RAB20: variants seen among roughly 807,000 people sequenced by gnomAD.
RAB20 encodes the protein ras-related protein Rab-20.
Under a neutral mutation model 3.7 loss-of-function variants are expected in RAB20, and 2 were observed. The ratio of observed to expected loss-of-function variants is 0.54; its 90% CI spans 0.22 to 1.69. The LOEUF (loss-of-function observed/expected upper bound fraction) is 1.69. Ranked by LOEUF, RAB20 falls within the 40% of genes most tolerant of loss-of-function variation. RAB20 has a pLI of 0.19. For synonymous variants in RAB20, 126 were observed against 130.8 expected, an observed-to-expected ratio of 0.96 and a Z score of 0.25; for missense variants, 276 against 311.9, an observed-to-expected ratio of 0.88 and a Z score of 0.87.
chr13:110,544,709 G>A (rs1884821693), intron 1 of RAB20, among the ~76,000 whole-genome samples: 1 of 152,230 alleles, frequency 6.6e-6, no homozygotes, highest in South Asian at 2.1e-4. Flanking sequence ...AAGACACATG[G>A]AGAACCAGAG....
At position 110,536,574 on chromosome 13, in the gene RAB20, C is replaced by A. The variant is rs75347166; in HGVS notation, c.173-12377G>T. On this transcript the variant is annotated intron_variant, in intron 1 of 1. Transcript: ENST00000267328. ...TAAAGGAGAAGTCAGTGAGGATGGGCCGGAGAACACTGAACTCAGACAACC... is the reference window on the plus strand; with the variant it reads ...TAAAGGAGAAGTCAGTGAGGATGGGACGGAGAACACTGAACTCAGACAACC... Among the ~76,000 whole-genome samples the A allele has an allele frequency of 4.5e-3, 680 of 152,150 alleles. 5 individuals carry two copies. The highest frequency in any genetic ancestry group is 0.015 in the African/African-American group (643 of 41,498).
chr13:110,525,787 G>A (rs1176448447), intron 1 of RAB20, among the ~76,000 whole-genome samples: 2 of 152,206 alleles, frequency 1.3e-5, no homozygotes, highest in Non-Finnish European at 1.5e-5. Context: ...CTGGGGGGAC[G>A]AGCTCTCAGG....
chr13:110,529,242 T>C (rs1015026454), intron 1 of RAB20, among the ~76,000 whole-genome samples: 4 of 152,358 alleles, frequency 2.6e-5, no homozygotes, highest in African/African-American at 9.6e-5. Flanking sequence ...CCTCACGCGT[T>C]TTCTGGAAGT....
chr13:110,536,740 T>TGGGGGGG (rs1884648025), intron 1 of RAB20, among the ~76,000 whole-genome samples: 1 of 69,116 alleles, frequency 1.4e-5, no homozygotes, highest in Non-Finnish European at 3.0e-5. Flanking sequence ...GGGGGGGGGT[T>TGGGGGGG]GTTTTTATGT....
In RAB20 at chr13:110,537,033, G is replaced by A. The variant is rs548328199; in HGVS notation, c.173-12836C>T. ...GTCTCGCTCTGTCACCCAGGCTGGA[G>A]TGCAGTGGTGCAATCGTAGCTCATT... On this transcript the variant is annotated intron_variant, in intron 1 of 1. Transcript: ENST00000267328. Among the ~76,000 whole-genome samples the A allele has an allele frequency of 4.4e-3, 663 of 149,866 alleles. 3 individuals carry two copies. The highest frequency in any genetic ancestry group is 0.018 in the Middle Eastern group (5 of 284).
rs60476574 is a variant in RAB20, at chr13:110,543,778, T to TATTA, written c.172+17569_172+17570insTAAT. 6.9e-3 allele frequency among the ~76,000 whole-genome samples: 822 copies of TATTA among 118,430 alleles called. 12 individuals carry two copies. The East Asian group carries it at 0.1, about 15-fold the overall frequency. 77.7% of individuals were successfully genotyped at this position (118,430 alleles called of 152,430 possible). On this transcript the variant is annotated intron_variant, in intron 1 of 1. Coordinates refer to ENST00000267328, the MANE Select transcript of RAB20 (RefSeq NM_017817.3). ...CTCTTTAATCAAATGTGGGTTATTTTTTTTTTTTTTTTTTTGAGACGGAGT... is the reference window on the plus strand; with the variant it reads ...CTCTTTAATCAAATGTGGGTTATTTTATTATTTTTTTTTTTTTTTGAGACGGAGT...
At chr13:110,535,085 T>C (rs1467650) in intron 1 of RAB20, among the ~76,000 whole-genome samples, 60,375 of 152,096 alleles carry the variant, frequency 0.4, 12,313 homozygotes, top group African/African-American at 0.49. Flanking sequence ...CCCCCCGCTT[T>C]GCCCTTCTAA....
intron 1 of RAB20, among the ~76,000 whole-genome samples, chr13:110,558,380 C>CTTTTT (rs34187531): frequency 6.7e-5 from 8 of 119,340 alleles, no homozygotes; most frequent in Non-Finnish European, 1.0e-4. Context: ...TGTCTTCCCA[C>CTTTTT]TTTTTTTTTT....
At chr13:110,542,775 C>A (rs190552502) in intron 1 of RAB20, among the ~76,000 whole-genome samples, 93 of 152,302 alleles carry the variant, frequency 6.1e-4, no homozygotes, top group African/African-American at 2.2e-3. Flanking sequence ...GGAGTGCAGA[C>A]ATCTCTGAGA....
intron 1 of RAB20, among the ~76,000 whole-genome samples, chr13:110,556,662 T>G (rs1885043888): frequency 6.6e-6 from 1 of 152,080 alleles, no homozygotes; most frequent in South Asian, 2.1e-4. Context: ...GCCTCCCAAG[T>G]AGCTGGGACT....
chr13:110,533,897 C>G (rs867747012), intron 1 of RAB20, among the ~76,000 whole-genome samples: 1 of 152,214 alleles, frequency 6.6e-6, no homozygotes, highest in African/African-American at 2.4e-5. Context: ...CCCACCAGTA[C>G]GTGGAAAGTG....
At chr13:110,533,913 C>T (rs58682785) in intron 1 of RAB20, among the ~76,000 whole-genome samples, 6,886 of 152,262 alleles carry the variant, frequency 0.045, 527 homozygotes, top group African/African-American at 0.16. Flanking sequence ...AAGTGGAGAG[C>T]TAGCAGGCAA....
chr13:110,558,386 T>TTC (rs1885075266), intron 1 of RAB20, among the ~76,000 whole-genome samples: 1 of 134,908 alleles, frequency 7.4e-6, no homozygotes, highest in South Asian at 2.5e-4. Context: ...CCCACTTTTT[T>TTC]TTTTTTTTTT....
rs769993482 is a variant in RAB20 at position 110,527,934 on chromosome 13, CACACACACAT to C, written c.173-3747_173-3738del. ...ACACACACACACACACACACACACA[CACACACACAT>C]ACACTTTAATTAGCCAGGCATGGTG... On this transcript the variant is annotated intron_variant, in intron 1 of 1. Transcript: ENST00000267328. Among the ~76,000 whole-genome samples the C allele has an allele frequency of 9.7e-3, 1,255 of 129,310 alleles. 16 individuals carry two copies. The highest frequency in any genetic ancestry group is 0.035 in the African/African-American group (1,168 of 33,734). 84.8% of individuals were successfully genotyped at this position (129,310 alleles called of 152,430 possible).
At chr13:110,541,845 CACAT>C (rs1884769461) in intron 1 of RAB20, among the ~76,000 whole-genome samples, 1 of 152,186 alleles carries the variant, frequency 6.6e-6, no homozygotes, top group South Asian at 2.1e-4. Context: ...CACACACTCT[CACAT>C]ACATGCACGT....
chr13:110,529,334 T>C (rs1329567882), intron 1 of RAB20, among the ~76,000 whole-genome samples: 2 of 152,208 alleles, frequency 1.3e-5, no homozygotes, highest in African/African-American at 4.8e-5. Context: ...TCTCAGAATA[T>C]TGATTTCCTG....
chr13:110,530,771 C>A (rs924937933), intron 1 of RAB20, among the ~76,000 whole-genome samples: 3 of 151,508 alleles, frequency 2.0e-5, no homozygotes, highest in African/African-American at 4.9e-5. Context: ...GACACAGGAC[C>A]CTGGGGAAGT....
Position 110,531,964 on chromosome 13 carries a change from A to G in RAB20, c.173-7767T>C, listed in dbSNP as rs144925845. Among the ~76,000 whole-genome samples, 298 of 152,196 alleles carry G rather than the reference A, an allele frequency of 2.0e-3. 2 individuals are homozygous for G. The highest frequency in any genetic ancestry group is 6.8e-3 in the African/African-American group (281 of 41,526). On this transcript the variant is annotated intron_variant, in intron 1 of 1. Transcript: ENST00000267328. ...ACCAAAAACTGCCCAAGTGCTTTCC[A>G]TTTCACTCTTCAGCCTTCCCAAAGC...
At chr13:110,538,023 T>C (rs1884679567) in intron 1 of RAB20, among the ~76,000 whole-genome samples, 1 of 152,110 alleles carries the variant, frequency 6.6e-6, no homozygotes, top group Non-Finnish European at 1.5e-5. Flanking sequence ...GCGGATCGTT[T>C]CAGCCTAGGA....
Sources: allele counts gnomAD v4.1 joint callset (sites outside exome capture counted in the v4.1 genomes callset), GRCh38; gene constraint gnomAD v4.1.1; transcripts MANE v1.5; gene names NCBI Gene and HGNC (gene_info 2026-07-23, HGNC 2026-07-21).